GPR149: variants seen among roughly 807,000 people sequenced by gnomAD.
GPR149 encodes probable G protein-coupled receptor 149.
Under a neutral mutation model 50.2 loss-of-function variants are expected in GPR149, and 50 were observed. The observed-to-expected ratio is 1.00, with a 90% confidence interval of 0.79 to 1.26. The LOEUF (loss-of-function observed/expected upper bound fraction) is 1.26. GPR149 is among the 50% of genes most tolerant of loss of function. The pLI, the probability that GPR149 is intolerant of heterozygous loss-of-function variation, is 0.00. For missense variants in GPR149, 983 were observed against 895.4 expected (o/e 1.10, Z -1.25); for synonymous variants, 405 against 358.2 (o/e 1.13, Z -1.48).
At chr3:154,365,800 A>C (rs1276309109) in intron 3 of GPR149, among the ~76,000 whole-genome samples, 1 of 152,162 alleles carries the variant, frequency 6.6e-6, no homozygotes, top group African/African-American at 2.4e-5. Context: ...ATTTCCATCT[A>C]AGATGTCTTC....
intron 3 of GPR149, among the ~76,000 whole-genome samples, chr3:154,345,332 T>C (rs1238307771): frequency 6.6e-6 from 1 of 152,210 alleles, no homozygotes; most frequent in Non-Finnish European, 1.5e-5. Flanking sequence ...TAGAATAGAT[T>C]GTTTTTATGA....
chr3:154,373,053 G>A (rs1013197984), intron 3 of GPR149, among the ~76,000 whole-genome samples: 2 of 152,160 alleles, frequency 1.3e-5, no homozygotes, highest in African/African-American at 4.8e-5. Flanking sequence ...ATATATTTCA[G>A]TAAATATTTG....
chr3:154,426,841 G>A (rs1474114018), intron 2 of GPR149, among the ~76,000 whole-genome samples: 1 of 149,124 alleles, frequency 6.7e-6, no homozygotes, highest in African/African-American at 2.5e-5. Flanking sequence ...TAAACTGAGG[G>A]TTTTGTTTGT....
At chr3:154,354,019 T>C (rs1714153997) in intron 3 of GPR149, 1 of 456,440 alleles carries the variant, frequency 2.2e-6, no homozygotes, top group African/African-American at 2.1e-5. Flanking sequence ...TTGATTTTTT[T>C]TTTCATATTC....
intron 3 of GPR149, chr3:154,352,119 G>C: frequency 1.5e-6 from 1 of 688,154 alleles, no homozygotes; most frequent in Non-Finnish European, 2.3e-6. Flanking sequence ...CACACTGGTA[G>C]ATTAAGTATC....
At chr3:154,349,195 G>A (rs1174458930) in intron 3 of GPR149, among the ~76,000 whole-genome samples, 2 of 152,006 alleles carry the variant, frequency 1.3e-5, no homozygotes, top group African/African-American at 2.4e-5. Flanking sequence ...CTCCCACCTT[G>A]ATAATCTGGA....
intron 3 of GPR149, among the ~76,000 whole-genome samples, chr3:154,400,715 C>T (rs1166859945): frequency 6.6e-6 from 1 of 152,154 alleles, no homozygotes; most frequent in Non-Finnish European, 1.5e-5. Context: ...AAGCCACCCT[C>T]CTAAGGTTAC....
chr3:154,423,343 TA>T (rs1373439995), intron 2 of GPR149, among the ~76,000 whole-genome samples: 1 of 151,904 alleles, frequency 6.6e-6, no homozygotes, highest in Non-Finnish European at 1.5e-5. Flanking sequence ...TGCTTACAGG[TA>T]AAACGATATG....
intron 3 of GPR149, among the ~76,000 whole-genome samples, chr3:154,384,598 T>G (rs558545354): frequency 6.6e-6 from 1 of 152,360 alleles, no homozygotes; most frequent in East Asian, 1.9e-4. Flanking sequence ...CCTGAGGCTA[T>G]TTAGCTCCAA....
At chr3:154,399,131 G>C (rs1715362324) in intron 3 of GPR149, among the ~76,000 whole-genome samples, 1 of 151,046 alleles carries the variant, frequency 6.6e-6, no homozygotes, top group Non-Finnish European at 1.5e-5. Context: ...GTTGGGCTTT[G>C]GTATTAGTAT....
Position 154,336,597 on chromosome 3 carries a change from T to C in GPR149, c.*1102A>G, listed in dbSNP as rs1337233281. The C allele has an allele frequency of 1.3e-5, 2 of 152,128 alleles. No individual in the cohort carries two copies. The highest frequency in any genetic ancestry group is 3.8e-4 in the East Asian group (2 of 5,202). 9.4% of individuals were successfully genotyped at this position (152,128 alleles called of 1,614,324 possible). ...TGATTCCTGCATTTTTGCAATGTAA[T>C]GCATTCTAGAATTATCTTGAAATGT... On this transcript the variant is annotated 3_prime_UTR_variant, in exon 4 of 4. Transcript: ENST00000389740.
intron 3 of GPR149, among the ~76,000 whole-genome samples, chr3:154,407,888 A>C (rs986610631): frequency 5.3e-5 from 8 of 152,198 alleles, no homozygotes; most frequent in African/African-American, 1.9e-4. Flanking sequence ...AGGTTAAGGA[A>C]AATACACAAT....
At chr3:154,366,949 A>G (rs1339034197) in intron 3 of GPR149, among the ~76,000 whole-genome samples, 1 of 152,190 alleles carries the variant, frequency 6.6e-6, no homozygotes, top group African/African-American at 2.4e-5. Flanking sequence ...TTTTATTGTC[A>G]ACAAATTTCC....
chr3:154,390,093 C>A (rs1042356767), intron 3 of GPR149, among the ~76,000 whole-genome samples: 1 of 152,078 alleles, frequency 6.6e-6, no homozygotes, highest in East Asian at 1.9e-4. Context: ...ATTTGAGGGG[C>A]CCCTGGAATC....
At chr3:154,340,517 G>T (rs1297175621) in intron 3 of GPR149, among the ~76,000 whole-genome samples, 1 of 152,168 alleles carries the variant, frequency 6.6e-6, no homozygotes, top group Non-Finnish European at 1.5e-5. Flanking sequence ...AGCTTGCATT[G>T]GATGTATGGA....
chr3:154,363,979 A>G (rs897681541), intron 3 of GPR149, among the ~76,000 whole-genome samples: 4 of 152,182 alleles, frequency 2.6e-5, no homozygotes, highest in Non-Finnish European at 5.9e-5. Flanking sequence ...ACTCACTGAA[A>G]TGCAGGAGTG....
intron 2 of GPR149, among the ~76,000 whole-genome samples, chr3:154,423,970 G>A (rs1712226432): frequency 6.6e-6 from 1 of 151,686 alleles, no homozygotes; most frequent in Admixed American, 6.6e-5. Flanking sequence ...TTTACATTAG[G>A]TATATCTCCT....
rs900046291 is a variant in GPR149, at chr3:154,337,127, A to G, written c.*572T>C. Reference sequence around the variant, plus strand: ...ATATTTGGTAGAAATGAAGGAAACAACTATTTATAGACTAGGAACCTGCGT... The same window carrying G: ...ATATTTGGTAGAAATGAAGGAAACAGCTATTTATAGACTAGGAACCTGCGT... On this transcript the variant is annotated 3_prime_UTR_variant, in exon 4 of 4. Coordinates refer to ENST00000389740, the MANE Select transcript of GPR149 (RefSeq NM_001038705.3). 7.9e-5 allele frequency: 12 copies of G among 152,204 alleles called. No individual in the cohort carries two copies. The highest frequency in any genetic ancestry group is 2.7e-4 in the African/African-American group (11 of 41,458). The allele number at this position is 152,204 out of a possible 1,614,324, so 9.4% of individuals were successfully genotyped here.
intron 3 of GPR149, among the ~76,000 whole-genome samples, chr3:154,359,799 G>A (rs574161858): frequency 6.6e-6 from 1 of 152,186 alleles, no homozygotes; most frequent in East Asian, 1.9e-4. Flanking sequence ...AACCTTAATA[G>A]ATACAAATTC....
Sources: gnomAD v4.1 joint callset for allele counts (sites outside exome capture counted in the v4.1 genomes callset) on GRCh38, gnomAD v4.1.1 for gene constraint, MANE v1.5 for transcripts, NCBI Gene and HGNC (gene_info 2026-07-23, HGNC 2026-07-21) for gene names.